The following C22orf31 variants were observed in gnomAD, a reference collection of about 807,000 sequenced individuals.
C22orf31 encodes chromosome 22 open reading frame 31.
A neutral mutation model predicts 15.0 loss-of-function variants in C22orf31; 11 were observed. The ratio of observed to expected loss-of-function variants is 0.73; its 90% CI spans 0.46 to 1.21. The LOEUF (loss-of-function observed/expected upper bound fraction) is 1.21. C22orf31 is among the 50% of genes most tolerant of loss of function. C22orf31 has a pLI of 0.00. For missense variants in C22orf31, 340 were observed against 347.2 expected (o/e 0.98, Z 0.17); for synonymous variants, 132 against 133.3 (o/e 0.99, Z 0.07).
chr22:29,066,813 G>T (rs761339922), upstream of C22orf31, among the ~76,000 whole-genome samples: 2 of 151,702 alleles, frequency 1.3e-5, no homozygotes, highest in Non-Finnish European at 2.9e-5. Context: ...CACCTGCCTC[G>T]GCCTCCCAAA....
upstream of C22orf31, among the ~76,000 whole-genome samples, chr22:29,066,260 C>T (rs1049065786): frequency 1.3e-5 from 2 of 152,086 alleles, no homozygotes; most frequent in Non-Finnish European, 2.9e-5. Context: ...TTTGTTTTAA[C>T]ACCCAAGCAG....
intron 1 of C22orf31, 76 bp from the exon 2 acceptor site, chr22:29,060,919 G>T: frequency 1.6e-6 from 2 of 1,223,002 alleles, no homozygotes; most frequent in Non-Finnish European, 2.3e-6. Context: ...TACTTTGAAG[G>T]CAAAATATTA....
the C22orf31 span, among the ~76,000 whole-genome samples, chr22:29,069,647 G>A: frequency 6.6e-6 from 1 of 152,216 alleles, no homozygotes; most frequent in Non-Finnish European, 1.5e-5. Flanking sequence ...ACCTTGAGCT[G>A]TTAAGTGCCA....
the C22orf31 span, among the ~76,000 whole-genome samples, chr22:29,070,818 TTGCA>T: frequency 1.3e-5 from 2 of 152,182 alleles, no homozygotes; most frequent in Admixed American, 1.3e-4. Context: ...TTTCTTGTCT[TTGCA>T]GTACTTTTTG....
chr22:29,063,312 C>T (rs1254932894), upstream of C22orf31, among the ~76,000 whole-genome samples: 1 of 152,146 alleles, frequency 6.6e-6, no homozygotes, highest in Non-Finnish European at 1.5e-5. Context: ...ATTACAGGCG[C>T]GGACCACCAA....
chr22:29,060,866 AT>A, intron 1 of C22orf31, 23 bp from the exon 2 acceptor site: 1 of 1,587,426 alleles, frequency 6.3e-7, no homozygotes, highest in Non-Finnish European at 8.6e-7. Flanking sequence ...GGAGGGAGAA[AT>A]GAATTTTAAA....
At chr22:29,061,674 C>T in intron 1 of C22orf31, 116 bp downstream of exon 1, 1 of 719,708 alleles carries the variant, frequency 1.4e-6, no homozygotes, top group Non-Finnish European at 2.3e-6. Flanking sequence ...TGCTGCCGGC[C>T]TCCATTTCCT....
chr22:29,061,206 C>A (rs1429789476), intron 1 of C22orf31, among the ~76,000 whole-genome samples: 2 of 152,276 alleles, frequency 1.3e-5, no homozygotes, highest in East Asian at 3.9e-4. Context: ...CTCAACCATG[C>A]TGCAACACAG....
chr22:29,069,371 G>T, the C22orf31 span, among the ~76,000 whole-genome samples: 2 of 152,144 alleles, frequency 1.3e-5, no homozygotes, highest in African/African-American at 4.8e-5. Context: ...CCCAACTGGA[G>T]TTTCAAAGAC....
At chr22:29,072,424 C>A in the C22orf31 span, among the ~76,000 whole-genome samples, 1 of 152,186 alleles carries the variant, frequency 6.6e-6, no homozygotes, top group African/African-American at 2.4e-5. Context: ...CCACCGCACT[C>A]GGCTGTAGGC....
intron 2 of C22orf31, 37 bp downstream of exon 2, chr22:29,060,378 G>A (rs373530226): frequency 1.2e-5 from 18 of 1,555,660 alleles, no homozygotes; most frequent in African/African-American, 4.1e-5. Context: ...CCCTCCCCTC[G>A]CCAGTCACAT....
chr22:29,059,769 T>G, intron 2 of C22orf31: 1 of 984,872 alleles, frequency 1.0e-6, no homozygotes, highest in African/African-American at 1.7e-5. Context: ...GTTGTGTGTG[T>G]GTGTGTGTGT....
upstream of C22orf31, chr22:29,061,899 T>C: frequency 1.1e-6 from 1 of 944,334 alleles, no homozygotes; most frequent in Non-Finnish European, 1.6e-6. Flanking sequence ...TTTGTTTTAA[T>C]ATTTCTAGTC....
the C22orf31 span, among the ~76,000 whole-genome samples, chr22:29,070,946 G>A: frequency 6.6e-6 from 1 of 152,200 alleles, no homozygotes; most frequent in Non-Finnish European, 1.5e-5. Flanking sequence ...AATATTTGCT[G>A]AACGAAGGAA....
At chr22:29,072,674 G>A in the C22orf31 span, among the ~76,000 whole-genome samples, 1 of 152,350 alleles carries the variant, frequency 6.6e-6, no homozygotes, top group South Asian at 2.1e-4. Context: ...GCTCGCGCGT[G>A]GGTCACGACC....
At chr22:29,072,013 C>A in the C22orf31 span, among the ~76,000 whole-genome samples, 18 of 152,240 alleles carry the variant, frequency 1.2e-4, no homozygotes, top group Non-Finnish European at 2.4e-4. Context: ...TTGAAACTGG[C>A]TATGTGATAA....
Position 29,059,760 on chromosome 22 carries a change from TTGTGTG to T in C22orf31, c.433-584_433-579del, listed in dbSNP as rs111812934. Reference sequence around the variant, plus strand: ...ATCCAGATCCATAGCTGACCACTGGTTGTGTGTGTGTGTGTGTGTGTGCACAAGCAT... The same window carrying T: ...ATCCAGATCCATAGCTGACCACTGGTTGTGTGTGTGTGTGTGCACAAGCAT... On this transcript the variant is annotated intron_variant, in intron 2 of 2. Transcript: ENST00000216071. 216 of 951,098 alleles carry T rather than the reference TTGTGTG, an allele frequency of 2.3e-4. 3 individuals are homozygous for T. In the South Asian group the frequency reaches 7.2e-3, roughly 32 times the overall value. The allele number at this position is 951,098 out of a possible 1,614,324, so 58.9% of individuals were successfully genotyped here. A position where few individuals can be genotyped will look rare whatever the true frequency, so the allele number is the denominator to read the frequency against.
intron 2 of C22orf31, 108 bp downstream of exon 2, chr22:29,060,307 A>G (rs2037375002): frequency 2.8e-6 from 3 of 1,069,676 alleles, no homozygotes; most frequent in South Asian, 3.1e-5. Flanking sequence ...TGCTGAGATT[A>G]TAGGCGGTAG....
upstream of C22orf31, chr22:29,061,876 C>CTT: frequency 1.8e-6 from 2 of 1,118,836 alleles, no homozygotes; most frequent in Non-Finnish European, 2.6e-6. Flanking sequence ...CTCTCTCTCT[C>CTT]TTTTTTTTTG....
Sources: allele counts gnomAD v4.1 joint callset (sites outside exome capture counted in the v4.1 genomes callset), GRCh38; gene constraint gnomAD v4.1.1; transcripts MANE v1.5; gene names NCBI Gene and HGNC (gene_info 2026-07-23, HGNC 2026-07-21).